BRWD3: variants seen among roughly 807,000 people sequenced by gnomAD.
BRWD3 encodes the protein bromodomain and WD repeat domain containing 3, also known as bromodomain and WD repeat-containing protein 3.
BRWD3 carries 10 observed loss-of-function variants against 149.7 expected under a neutral mutation model. That is an observed-to-expected ratio of 0.07 (90% CI 0.04 to 0.11). The LOEUF is 0.11. Ranked by LOEUF, BRWD3 falls within the 10% of genes least tolerant of loss-of-function variation. The pLI, the probability that BRWD3 is intolerant of heterozygous loss-of-function variation, is 1.00. For missense variants in BRWD3, 940 were observed against 1,373.2 expected (o/e 0.68, Z 4.99); for synonymous variants, 504 against 456.7 (o/e 1.10, Z -1.32).
At chrX:80,801,344 T>C (rs1370611450) in intron 4 of BRWD3, among the ~76,000 whole-genome samples, 2 of 101,527 alleles carry the variant, frequency 2.0e-5, no homozygotes, top group African/African-American at 7.2e-5. Flanking sequence ...CCTCAGCCTC[T>C]GGAGTAGCTG....
chrX:80,684,014 G>A lies in BRWD3; in HGVS notation c.4229C>T (p.Ser1410Leu). 1 of 1,207,570 alleles carries A rather than the reference G, an allele frequency of 8.3e-7. No homozygotes were observed. Among genetic ancestry groups the A allele is most frequent in the Non-Finnish European group, 1.1e-6 (1 of 892,693 alleles). Reference protein sequence around the residue: ...NSKAYTSNKKSRIYSMMLRLS... With the variant: ...NSKAYTSNKKLRIYSMMLRLS... ...TAACCCAACTAATAATCATACCCTT[G>A]ACTTTTTATTAGAGGTATAAGCTTT... Residue 1410 changes from serine (S) to leucine (L), a missense_variant, in exon 37 of 41, where the codon TCA (serine) becomes TTA (leucine). Transcript: ENST00000373275.
In BRWD3 at chrX:80,719,590, T is replaced by C. The variant is rs1306722788; in HGVS notation, c.1943A>G (p.Asp648Gly). The C allele has an allele frequency of 1.7e-6, 2 of 1,209,993 alleles. No homozygotes were observed. The highest frequency in any genetic ancestry group is 2.2e-6 in the Non-Finnish European group (2 of 894,285). Residue 648 changes from aspartate to glycine, a missense_variant, in exon 18 of 41, where the codon GAT becomes GGT. This residue lies in a region of BRWD3 where 209 missense variants were observed against 396.8 expected (regional missense o/e 0.53). Transcript: ENST00000373275. ...QTNDQDESIL[D>G]GIIRELQREQ... The stretch of plus-strand genomic sequence containing the variant: ...TCTCTGCAGCTCCCTGATTATTCCA[T>C]CAAGAATGCTCTCATCTTGGTCATT...
intron 8 of BRWD3, among the ~76,000 whole-genome samples, chrX:80,739,134 C>G (rs908315464): frequency 2.7e-5 from 3 of 111,788 alleles, no homozygotes; most frequent in Non-Finnish European, 5.6e-5. Context: ...TGCCTTAAAA[C>G]AGGACAGCAA....
In BRWD3 at chrX:80,691,991, T is replaced by TA. The variant is rs765175433; in HGVS notation, c.3326-14dup. On this transcript the variant is annotated splice_polypyrimidine_tract_variant and intron_variant, in intron 29 of 40. Transcript: ENST00000373275. The stretch of plus-strand genomic sequence containing the variant: ...TCTGGAAAGGCAGCTAGGTATAAGA[T>TA]AAAAAAAAAAAAATTAGAAAAAATT... The TA allele has an allele frequency of 0.031, 22,423 of 712,262 alleles. 1 individual carries two copies. Among genetic ancestry groups the TA allele is most frequent in the Non-Finnish European group, 0.035 (18,163 of 519,918 alleles). 58.7% of individuals were successfully genotyped at this position (712,262 alleles called of 1,213,427 possible).
intron 6 of BRWD3, among the ~76,000 whole-genome samples, chrX:80,771,016 A>G (rs1458970626): frequency 1.8e-5 from 2 of 111,649 alleles, no homozygotes; most frequent in Non-Finnish European, 1.9e-5. Context: ...CTACAAAGAG[A>G]ATAAAATACC....
At chrX:80,794,653 G>A (rs1333325341) in intron 4 of BRWD3, among the ~76,000 whole-genome samples, 2 of 110,162 alleles carry the variant, frequency 1.8e-5, no homozygotes, top group Admixed American at 9.8e-5. Flanking sequence ...TTAAGAAACA[G>A]TCACAAAATC....
At chrX:80,785,904 C>G (rs767661061) in intron 6 of BRWD3, among the ~76,000 whole-genome samples, 6 of 111,656 alleles carry the variant, frequency 5.4e-5, no homozygotes, top group Admixed American at 9.5e-5. Flanking sequence ...GTGGCAGGAG[C>G]CTGTAATCCC....
intron 6 of BRWD3, among the ~76,000 whole-genome samples, chrX:80,774,257 T>C (rs867575286): frequency 9.1e-6 from 1 of 110,390 alleles, no homozygotes; most frequent in African/African-American, 3.3e-5. Flanking sequence ...TTTTTTATTT[T>C]TTTATTTTTT....
chrX:80,791,935 A>G lies in BRWD3; in HGVS notation c.349T>C (p.Trp117Arg). The G allele has an allele frequency of 8.3e-7, 1 of 1,197,955 alleles. No homozygotes were observed. The highest frequency in any genetic ancestry group is 1.1e-6 in the Non-Finnish European group (1 of 884,152). ...AGAGCCGCAAAAGCAGACCCATTCC[A>G]TAGTGTACTCTTACAGTCTATATAA... ...RDAKDCKSTL[W>R]NGSAFAALHR... Residue 117 changes from tryptophan (W) to arginine (R), a missense_variant, in exon 6 of 41, where the codon TGG (tryptophan) becomes CGG (arginine). This residue lies in a region of BRWD3 where 105 missense variants were observed against 127.7 expected (regional missense o/e 0.82). Coordinates refer to ENST00000373275, the MANE Select transcript of BRWD3 (RefSeq NM_153252.5).
intron 6 of BRWD3, among the ~76,000 whole-genome samples, chrX:80,758,600 T>C (rs952255770): frequency 9.0e-6 from 1 of 110,779 alleles, no homozygotes; most frequent in Non-Finnish European, 1.9e-5. Flanking sequence ...GAACTTTATC[T>C]CTCTCTGTGT....
chrX:80,717,851 A>G (rs2073095156), intron 18 of BRWD3, 92 bp from the exon 19 acceptor site: 1 of 767,965 alleles, frequency 1.3e-6, no homozygotes, highest in Non-Finnish European at 2.0e-6. Context: ...AGATTCAAAT[A>G]TAGTACTGCT....
In BRWD3 at chrX:80,674,098, T is replaced by C. The variant is rs1009020388; in HGVS notation, c.*2511A>G. On this transcript the variant is annotated 3_prime_UTR_variant, in exon 41 of 41. Coordinates refer to ENST00000373275, the MANE Select transcript of BRWD3 (RefSeq NM_153252.5). ...TGCAAACAGAAAATTATCTGTTTGT[T>C]TAATAAATGATAACTATGTTTATCT... 7.2e-5 allele frequency: 8 copies of C among 111,871 alleles called. No individual in the cohort carries two copies. Among genetic ancestry groups the C allele is most frequent in the African/African-American group, 2.6e-4 (8 of 30,865 alleles). The allele number at this position is 111,871 out of a possible 1,213,427, so 9.2% of individuals were successfully genotyped here. A position where few individuals can be genotyped will look rare whatever the true frequency, so the allele number is the denominator to read the frequency against.
intron 20 of BRWD3, among the ~76,000 whole-genome samples, chrX:80,712,793 C>G (rs1266958650): frequency 9.2e-6 from 1 of 108,356 alleles, no homozygotes; most frequent in South Asian, 4.1e-4. Context: ...CATCTCTGCC[C>G]GGCCGCGACC....
intron 24 of BRWD3, among the ~76,000 whole-genome samples, chrX:80,700,763 A>G (rs1161748896): frequency 2.7e-5 from 3 of 109,571 alleles, no homozygotes; most frequent in Non-Finnish European, 5.7e-5. Context: ...AAATAAATAA[A>G]TAAATGATAA....
In BRWD3 at chrX:80,682,599, G is replaced by A. The variant is rs749607717; in HGVS notation, c.4263C>T (p.Ala1421=). 1.2e-5 allele frequency: 15 copies of A among 1,207,058 alleles called. No homozygotes were observed. Among genetic ancestry groups the A allele is most frequent in the Non-Finnish European group, 1.7e-5 (15 of 893,013 alleles). Reference sequence around the variant, plus strand: ...TATTTTTGATATGACTTTCAAATAAGGCAGATAATCGCAGCATCATGCTAT... The same window carrying A: ...TATTTTTGATATGACTTTCAAATAAAGCAGATAATCGCAGCATCATGCTAT... The part of the protein sequence containing the change: ...RIYSMMLRLS[A]LFESHIKNII... Residue 1421 remains alanine, a synonymous_variant, in exon 38 of 41, where the codon GCC becomes GCT. Coordinates refer to ENST00000373275, the MANE Select transcript of BRWD3 (RefSeq NM_153252.5).
intron 25 of BRWD3, among the ~76,000 whole-genome samples, chrX:80,697,304 A>T: frequency 9.0e-6 from 1 of 111,544 alleles, no homozygotes; most frequent in Non-Finnish European, 1.9e-5. Flanking sequence ...TAATGTCTAC[A>T]ACATTATCTT....
chrX:80,681,291 T>C, intron 40 of BRWD3, 50 bp downstream of exon 40: 2 of 1,147,444 alleles, frequency 1.7e-6, no homozygotes, highest in Non-Finnish European at 2.4e-6. Context: ...ATTTATCTGC[T>C]ATCATAAAGA....
At chrX:80,677,561 A>C (rs776853330) in intron 40 of BRWD3, among the ~76,000 whole-genome samples, 198 bp from the exon 41 acceptor site, 1 of 111,035 alleles carries the variant, frequency 9.0e-6, no homozygotes, top group South Asian at 3.8e-4. Flanking sequence ...GAGGGAGGAG[A>C]ATATGGGGGT....
At chrX:80,797,735 C>T in intron 4 of BRWD3, among the ~76,000 whole-genome samples, 1 of 111,878 alleles carries the variant, frequency 8.9e-6, no homozygotes. Context: ...TCACTCTATA[C>T]AATAGAAAAT....
Sources: gnomAD v4.1 joint callset for allele counts (sites outside exome capture counted in the v4.1 genomes callset) on GRCh38, gnomAD v4.1.1 for gene constraint, gnomAD v4.1.1 regional missense constraint, MANE v1.5 for transcripts, NCBI Gene and HGNC (gene_info 2026-07-23, HGNC 2026-07-21) for gene names.